HSD17B11: variants seen among roughly 807,000 people sequenced by gnomAD.
HSD17B11 encodes estradiol 17-beta-dehydrogenase 11.
In HSD17B11, 22 loss-of-function variants were observed where a neutral mutation model predicts 27.8. The observed-to-expected ratio is 0.79, with a 90% CI of 0.56 to 1.13. HSD17B11 has a LOEUF of 1.13. HSD17B11 is among the 50% of genes most tolerant of loss of function. The pLI is 0.00. For synonymous variants in HSD17B11, 117 were observed against 132.8 expected, an observed-to-expected ratio of 0.88 and a Z score of 0.82; for missense variants, 314 against 351.1, an observed-to-expected ratio of 0.89 and a Z score of 0.84.
intron 5 of HSD17B11, among the ~76,000 whole-genome samples, chr4:87,342,797 C>T (rs566606662): frequency 1.3e-5 from 2 of 152,160 alleles, no homozygotes; most frequent in East Asian, 3.9e-4. Flanking sequence ...AATAGTATTA[C>T]ATATGAAAAT....
At chr4:87,378,939 TATATATATTTATATATATATA>T (rs1401995823) in intron 2 of HSD17B11, among the ~76,000 whole-genome samples, 2 of 24,176 alleles carry the variant, frequency 8.3e-5, no homozygotes, top group African/African-American at 3.1e-4. Flanking sequence ...AATATATATA[TATATATATTTATATATATATA>T]TTTTTTTTTT....
intron 2 of HSD17B11, among the ~76,000 whole-genome samples, chr4:87,379,105 C>A (rs1426838190): frequency 6.8e-6 from 1 of 147,616 alleles, no homozygotes; most frequent in Non-Finnish European, 1.5e-5. Context: ...TTACAGGCAC[C>A]TGCCATCATG....
rs1181289968 is a variant in HSD17B11, at chr4:87,378,929, AATAT to A, written c.318+3322_318+3325del. Among the ~76,000 whole-genome samples, 2 of 7,280 alleles carry A rather than the reference AATAT, an allele frequency of 2.7e-4. 1 individual carries two copies. Among genetic ancestry groups the A allele is most frequent in the African/African-American group, 1.2e-3 (2 of 1,668 alleles). The allele number at this position is 7,280 out of a possible 152,430, so 4.8% of individuals were successfully genotyped here. On this transcript the variant is annotated intron_variant, in intron 2 of 6. Transcript: ENST00000358290. ...AAATATATATATATAAATATATATA[AATAT>A]ATATATATATATATTTATATATATA...
At chr4:87,386,044 T>A (rs571349296) in intron 1 of HSD17B11, 9 of 152,274 alleles carry the variant, frequency 5.9e-5, no homozygotes, top group East Asian at 3.9e-4. Flanking sequence ...GATTTGCTTA[T>A]TACTGGTTGG....
At chr4:87,341,138 G>A (rs1011410609) in intron 5 of HSD17B11, among the ~76,000 whole-genome samples, 2 of 151,932 alleles carry the variant, frequency 1.3e-5, no homozygotes, top group African/African-American at 4.8e-5. Context: ...ATATTTATTA[G>A]GTCTTTGGTT....
chr4:87,380,235 G>A (rs150183197), intron 2 of HSD17B11, among the ~76,000 whole-genome samples: 5,224 of 151,478 alleles, frequency 0.034, 329 homozygotes, highest in African/African-American at 0.12. Context: ...AGCACTTTGG[G>A]AGGCCAAGGC....
chr4:87,388,332 T>C (rs1720372276), intron 1 of HSD17B11, among the ~76,000 whole-genome samples: 1 of 152,238 alleles, frequency 6.6e-6, no homozygotes, highest in Non-Finnish European at 1.5e-5. Flanking sequence ...TCACAGTGCA[T>C]CTCAAATCAG....
At chr4:87,380,334 G>A (rs1311290613) in intron 2 of HSD17B11, among the ~76,000 whole-genome samples, 3 of 144,932 alleles carry the variant, frequency 2.1e-5, no homozygotes, top group South Asian at 4.4e-4. Flanking sequence ...TTAGCCATGC[G>A]TGGTGGCGGG....
rs767996059 is a variant in HSD17B11, at chr4:87,372,829, T to C, written c.451-14A>G. 1.0e-5 allele frequency: 15 copies of C among 1,497,432 alleles called. No homozygotes were observed. Among genetic ancestry groups the C allele is most frequent in the Non-Finnish European group, 1.4e-5 (15 of 1,088,618 alleles). 92.8% of individuals were successfully genotyped at this position (1,497,432 alleles called of 1,614,324 possible). On this transcript the variant is annotated splice_polypyrimidine_tract_variant and intron_variant, in intron 3 of 6. Transcript: ENST00000358290. ...TGCCTTTGTAGTCTACAAATAGTTT[T>C]TATTAAAAGAGAAAAAATACTGTAT...
chr4:87,370,033 A>G (rs1735679025), intron 4 of HSD17B11, among the ~76,000 whole-genome samples: 3 of 152,230 alleles, frequency 2.0e-5, no homozygotes, highest in South Asian at 2.1e-4. Context: ...AAAACTCTGA[A>G]AAGAAATTAA....
intron 5 of HSD17B11, among the ~76,000 whole-genome samples, chr4:87,344,930 A>G (rs77751168): frequency 0.034 from 5,217 of 152,344 alleles, 329 homozygotes; most frequent in African/African-American, 0.12. Flanking sequence ...AAATTAGAAA[A>G]TACTTTGAGG....
rs1442711439 is a variant in HSD17B11 at position 87,340,619 on chromosome 4, T to C, written c.696-13A>G. ...AGTGGGTCCCAAACTGAAATCAGAG[T>C]CAGTCTTCAGAAACAAAATACTTCA... On this transcript the variant is annotated splice_polypyrimidine_tract_variant and intron_variant, in intron 5 of 6. Transcript: ENST00000358290. 6.4e-7 allele frequency: 1 copy of C among 1,563,594 alleles called. No individual in the cohort carries two copies. The highest frequency in any genetic ancestry group is 8.8e-7 in the Non-Finnish European group (1 of 1,138,980).
At chr4:87,378,919 A>ATATATTT (rs1170965993) in intron 2 of HSD17B11, among the ~76,000 whole-genome samples, 1 of 5,928 alleles carries the variant, frequency 1.7e-4, no homozygotes, top group African/African-American at 9.1e-4. Flanking sequence ...TATATATATA[A>ATATATTT]ATATATATAA....
chr4:87,361,854 C>G (rs949247009), intron 4 of HSD17B11, among the ~76,000 whole-genome samples: 1 of 152,202 alleles, frequency 6.6e-6, no homozygotes, highest in South Asian at 2.1e-4. Context: ...CTCTTGGGGT[C>G]TGGATCGGGA....
rs1720081339 is a variant in HSD17B11 at position 87,379,776 on chromosome 4, AGTAATAGTATATTAT to A, written c.318+2464_318+2478del. ...ATAATATAGTATAACAGTATAATAT[AGTAATAGTATATTAT>A]AGTATAATATACTATAGTATTATAG... On this transcript the variant is annotated intron_variant, in intron 2 of 6. Coordinates refer to ENST00000358290, the MANE Select transcript of HSD17B11 (RefSeq NM_016245.5). Among the ~76,000 whole-genome samples, 4 of 99,552 alleles carry A rather than the reference AGTAATAGTATATTAT, an allele frequency of 4.0e-5. No individual in the cohort carries two copies. In the Admixed American group the frequency reaches 5.1e-4, roughly 13 times the overall value. The allele number at this position is 99,552 out of a possible 152,430, so 65.3% of individuals were successfully genotyped here. A position where few individuals can be genotyped will look rare whatever the true frequency, so the allele number is the denominator to read the frequency against.
chr4:87,357,779 G>C (rs1735413700), intron 4 of HSD17B11, among the ~76,000 whole-genome samples: 3 of 151,982 alleles, frequency 2.0e-5, no homozygotes, highest in Admixed American at 2.0e-4. Flanking sequence ...CATAGAATTT[G>C]CTGAAAACTT....
intron 4 of HSD17B11, among the ~76,000 whole-genome samples, chr4:87,358,055 G>A (rs962365948): frequency 1.5e-4 from 21 of 138,282 alleles, no homozygotes; most frequent in African/African-American, 5.1e-4. Context: ...TCCGCCTCCC[G>A]GGTTCCCGCC....
chr4:87,341,844 C>A (rs1215007699), intron 5 of HSD17B11, among the ~76,000 whole-genome samples: 2 of 151,824 alleles, frequency 1.3e-5, no homozygotes, highest in Non-Finnish European at 2.9e-5. Flanking sequence ...CCAGCCTGGA[C>A]AACAGAGCTA....
At chr4:87,355,861 G>A (rs909142384) in intron 5 of HSD17B11, among the ~76,000 whole-genome samples, 11 of 151,826 alleles carry the variant, frequency 7.2e-5, no homozygotes, top group East Asian at 1.9e-4. Flanking sequence ...CCGAGATTGC[G>A]CCACTGCACT....
Sources: gnomAD v4.1 joint callset for allele counts (sites outside exome capture counted in the v4.1 genomes callset) on GRCh38, gnomAD v4.1.1 for gene constraint, MANE v1.5 for transcripts, NCBI Gene and HGNC (gene_info 2026-07-23, HGNC 2026-07-21) for gene names.